The following AKR1B15 variants were observed in gnomAD, a reference collection of about 807,000 sequenced individuals.
The protein encoded by AKR1B15 is estradiol 17-beta-dehydrogenase AKR1B15.
In AKR1B15, 49 loss-of-function variants were observed where a neutral mutation model predicts 38.5. The observed-to-expected ratio is 1.27, with a 90% confidence interval of 1.01 to 1.62. The LOEUF (loss-of-function observed/expected upper bound fraction) is 1.62, where lower values mean the gene tolerates loss of function less well. Among genes scored for constraint, AKR1B15 ranks in the 40% most tolerant of loss-of-function variants. The pLI, the probability that AKR1B15 is intolerant of heterozygous loss-of-function variation, is 0.00. For missense variants in AKR1B15, 411 were observed against 381.6 expected, an observed-to-expected ratio of 1.08 and a Z score of -0.64; for synonymous variants, 137 against 135.5, an observed-to-expected ratio of 1.01 and a Z score of -0.08.
At chr7:134,566,842 A>C (rs1344247416) in intron 3 of AKR1B15, among the ~76,000 whole-genome samples, 1 of 152,150 alleles carries the variant, frequency 6.6e-6, no homozygotes, top group East Asian at 1.9e-4. Flanking sequence ...CGATTCATAC[A>C]TACTGACTCT....
intron 1 of AKR1B15, among the ~76,000 whole-genome samples, chr7:134,556,273 T>C (rs1291896613): frequency 1.3e-5 from 2 of 152,302 alleles, no homozygotes; most frequent in Admixed American, 6.5e-5. Flanking sequence ...CCCAGCCCGA[T>C]GTCCATTTTG....
At position 134,568,138 on chromosome 7, in the gene AKR1B15, G is replaced by A. The variant is rs376673869; in HGVS notation, c.151-20G>A. On this transcript the variant is annotated intron_variant, in intron 3 of 11. Transcript: ENST00000457545. ...TAAAAAAAAAATACATGTGTGATGG[G>A]CTTTTCTTTTGCTTTTCAGTCTCTT... 16 of 1,613,612 alleles carry A rather than the reference G, an allele frequency of 9.9e-6. No individual in the cohort carries two copies. The African/African-American group carries it at 1.9e-4, about 19-fold the overall frequency.
chr7:134,572,054 A>T (rs929942118), intron 6 of AKR1B15, among the ~76,000 whole-genome samples: 3 of 152,182 alleles, frequency 2.0e-5, no homozygotes, highest in Non-Finnish European at 4.4e-5. Context: ...CTCTTTAAAG[A>T]AAAAAGGTCT....
rs752553310 is a variant in AKR1B15 at position 134,575,417 on chromosome 7, T to C, written c.514-3T>C. 1 of 1,613,688 alleles carries C rather than the reference T, an allele frequency of 6.2e-7. No individual in the cohort carries two copies. Among genetic ancestry groups the C allele is most frequent in the Non-Finnish European group, 8.5e-7 (1 of 1,179,732 alleles). On this transcript the variant is annotated splice_polypyrimidine_tract_variant and splice_region_variant and intron_variant, in intron 6 of 11. Coordinates refer to ENST00000457545, the MANE Select transcript of AKR1B15 (RefSeq NM_001080538.3). The stretch of plus-strand genomic sequence containing the variant: ...GCCCATAAGGTATTCCTTTCTATGA[T>C]AGGCCATGGAGGAGCTGGTGGACGA...
chr7:134,557,633 C>T (rs1215930577), intron 2 of AKR1B15, among the ~76,000 whole-genome samples: 1 of 151,170 alleles, frequency 6.6e-6, no homozygotes, highest in Non-Finnish European at 1.5e-5. Context: ...ATTTAAGCCC[C>T]TGCACCTGGA....
At chr7:134,575,089 T>G (rs1269080204) in intron 6 of AKR1B15, among the ~76,000 whole-genome samples, 7 of 152,254 alleles carry the variant, frequency 4.6e-5, no homozygotes, top group African/African-American at 1.7e-4. Flanking sequence ...ATGTTGATTT[T>G]TATTTATTTT....
chr7:134,569,465 C>A lies in AKR1B15; in HGVS notation c.371C>A (p.Thr124Asn), dbSNP rs773738021. ...CTTGTGAGGAAAGCCTTTGAGAAGA[C>A]CCTCAAGGACCTGAAGCTGAGCTAT... ...RPLVRKAFEK[T>N]LKDLKLSYLD... The change falls in exon 5 of 12, where the codon ACC becomes AAC. Residue 124 changes from threonine to asparagine, a missense_variant. Transcript: ENST00000457545. The A allele has an allele frequency of 1.3e-5, 21 of 1,613,916 alleles. No homozygotes were observed. Among genetic ancestry groups the A allele is most frequent in the Non-Finnish European group, 1.8e-5 (21 of 1,179,968 alleles).
rs374946842 is a variant in AKR1B15, at chr7:134,577,723, G to A, written c.929G>A (p.Ser310Asn). 11 of 1,613,830 alleles carry A rather than the reference G, an allele frequency of 6.8e-6. No homozygotes were observed. The highest frequency in any genetic ancestry group is 1.1e-5 in the South Asian group (1 of 91,056). ...ENIQVFDFKL[S>N]DEEMATILSF... ...TTCTAGGTCTTTGACTTTAAATTGA[G>A]TGATGAGGAGATGGCAACCATACTC... is the stretch of plus-strand genomic sequence containing the variant. The change falls in exon 11 of 12, where the codon AGT (serine) becomes AAT (asparagine). Residue 310 changes from serine (S) to asparagine (N), a missense_variant. Around this residue, in one of 3 missense-constraint regions of AKR1B15, gnomAD observed 133 missense variants for 120.3 expected, o/e 1.11. Coordinates refer to ENST00000457545, the MANE Select transcript of AKR1B15 (RefSeq NM_001080538.3).
At chr7:134,550,703 C>T (rs1490901216) in intron 1 of AKR1B15, among the ~76,000 whole-genome samples, 2 of 152,212 alleles carry the variant, frequency 1.3e-5, no homozygotes, top group Non-Finnish European at 2.9e-5. Flanking sequence ...TTAATTGCCT[C>T]CAGAATAGTA....
intron 1 of AKR1B15, among the ~76,000 whole-genome samples, chr7:134,551,454 C>G (rs1028775004): frequency 6.6e-6 from 1 of 152,188 alleles, no homozygotes; most frequent in African/African-American, 2.4e-5. Flanking sequence ...ACCGGCCCAC[C>G]TGGGATGAGT....
chr7:134,560,070 T>G (rs1375614398), intron 2 of AKR1B15, among the ~76,000 whole-genome samples: 1 of 151,578 alleles, frequency 6.6e-6, no homozygotes. Flanking sequence ...ATTGGGCAAC[T>G]GCACTCCAGC....
intron 3 of AKR1B15, chr7:134,565,400 A>T: frequency 3.1e-6 from 5 of 1,604,790 alleles, no homozygotes; most frequent in Non-Finnish European, 3.4e-6. Flanking sequence ...GAGACCACGA[A>T]CCCTCTGGAA....
rs551346636 is a variant in AKR1B15 at position 134,576,660 on chromosome 7, G to A, written c.825+230G>A. 2.9e-3 allele frequency among the ~76,000 whole-genome samples: 442 copies of A among 151,938 alleles called. 5 individuals carry two copies. The highest frequency in any genetic ancestry group is 0.01 in the African/African-American group (419 of 41,384). ...TCCTGTCAAGCCCTACAGCCCAGTG[G>A]CAAAGCATGGCTTTGGAGTCTAGGG... On this transcript the variant is annotated intron_variant, in intron 9 of 11. Transcript: ENST00000457545.
chr7:134,567,591 A>G (rs765391419), intron 3 of AKR1B15, among the ~76,000 whole-genome samples: 7 of 152,108 alleles, frequency 4.6e-5, no homozygotes, highest in Non-Finnish European at 7.3e-5. Flanking sequence ...GAGAGATTGA[A>G]TCACCTGCTT....
At chr7:134,550,976 A>G (rs940938165) in intron 1 of AKR1B15, among the ~76,000 whole-genome samples, 2 of 152,120 alleles carry the variant, frequency 1.3e-5, no homozygotes, top group African/African-American at 4.8e-5. Flanking sequence ...CAATGGCTAG[A>G]TTTAGTCCAG....
intron 7 of AKR1B15, 35 bp downstream of exon 7, chr7:134,575,577 C>G: frequency 6.2e-7 from 1 of 1,611,944 alleles, no homozygotes; most frequent in Middle Eastern, 1.7e-4. Context: ...AAGGGTCCTG[C>G]CCTATTACTT....
intron 1 of AKR1B15, among the ~76,000 whole-genome samples, chr7:134,549,472 CTGAGTGAG>C (rs199948067): frequency 2.0e-5 from 3 of 152,182 alleles, no homozygotes; most frequent in South Asian, 2.1e-4. Context: ...GTAATAAACT[CTGAGTGAG>C]TGAGTGAGTG....
At chr7:134,568,098 C>T in intron 3 of AKR1B15, 60 bp from the exon 4 acceptor site, 1 of 1,592,038 alleles carries the variant, frequency 6.3e-7, no homozygotes, top group East Asian at 2.3e-5. Flanking sequence ...GGCAACATGG[C>T]AAGGTCTCAT....
chr7:134,569,718 C>A (rs1469824191), intron 5 of AKR1B15, 189 bp downstream of exon 5: 4 of 568,036 alleles, frequency 7.0e-6, no homozygotes, highest in East Asian at 6.2e-5. Context: ...AATCTCTGAA[C>A]ATAAATTGTG....
Sources: gnomAD v4.1 joint callset for allele counts (sites outside exome capture counted in the v4.1 genomes callset) on GRCh38, gnomAD v4.1.1 for gene constraint, gnomAD v4.1.1 regional missense constraint, MANE v1.5 for transcripts, NCBI Gene and HGNC (gene_info 2026-07-23, HGNC 2026-07-21) for gene names.